Variants in DROSHA observed in about 807,000 individuals in gnomAD.
The protein encoded by DROSHA is drosha ribonuclease III.
In DROSHA, 56 loss-of-function variants were observed where a neutral mutation model predicts 181.9. The ratio of observed to expected loss-of-function variants is 0.31; its 90% CI spans 0.25 to 0.38. DROSHA has a LOEUF of 0.38. DROSHA is among the 10% of genes least tolerant of loss of function. The probability of loss-of-function intolerance (pLI) is 1.00; values close to 1 mark genes in which losing one functional copy is unlikely to be tolerated. For missense variants in DROSHA, 1,218 were observed against 1,743.5 expected, an observed-to-expected ratio of 0.70 and a Z score of 5.37; for synonymous variants, 524 against 591.2, an observed-to-expected ratio of 0.89 and a Z score of 1.65.
chr5:31,528,608 T>C lies in DROSHA; in HGVS notation c.20+432A>G, dbSNP rs75460233. Among the ~76,000 whole-genome samples, 68 of 152,256 alleles carry C rather than the reference T, an allele frequency of 4.5e-4. No homozygotes were observed. The East Asian group carries it at 0.013, about 28-fold the overall frequency. ...GCTTCATAAATATTTCCTGAATTCA[T>C]CTACTTCACATCATCACCTCTTACA... is the stretch of plus-strand genomic sequence containing the variant. On this transcript the variant is annotated intron_variant, in intron 4 of 35. Coordinates refer to ENST00000344624, the MANE Select transcript of DROSHA (RefSeq NM_001382508.1).
chr5:31,479,293 T>C (rs546819348), intron 16 of DROSHA, among the ~76,000 whole-genome samples: 1 of 152,370 alleles, frequency 6.6e-6, no homozygotes, highest in African/African-American at 2.4e-5. Flanking sequence ...TTACTTTACA[T>C]ACTTTTGTAT....
At chr5:31,486,247 T>G (rs1026322371) in intron 14 of DROSHA, among the ~76,000 whole-genome samples, 13 of 152,192 alleles carry the variant, frequency 8.5e-5, no homozygotes, top group East Asian at 3.9e-4. Flanking sequence ...GATGTAAAGT[T>G]AATATCAGCA....
At chr5:31,410,030 T>C (rs1263073422) in intron 31 of DROSHA, among the ~76,000 whole-genome samples, 1 of 151,892 alleles carries the variant, frequency 6.6e-6, no homozygotes, top group Admixed American at 6.6e-5. Flanking sequence ...CATCTTTAAA[T>C]TACTTTTCTT....
chr5:31,496,962 C>T (rs552387607), intron 11 of DROSHA, among the ~76,000 whole-genome samples: 117 of 152,308 alleles, frequency 7.7e-4, no homozygotes, highest in African/African-American at 2.7e-3. Flanking sequence ...CTCATCTGAG[C>T]AGGTTGTGGA....
At chr5:31,501,186 TATCTGAATCATC>T (rs1753536799) in intron 11 of DROSHA, among the ~76,000 whole-genome samples, 1 of 152,118 alleles carries the variant, frequency 6.6e-6, no homozygotes, top group Non-Finnish European at 1.5e-5. Context: ...TTAGATGCAG[TATCTGAATCATC>T]ATTGATACTT....
chr5:31,451,472 C>G, intron 21 of DROSHA, 61 bp downstream of exon 21: 1 of 1,373,026 alleles, frequency 7.3e-7, no homozygotes, highest in Non-Finnish European at 1.0e-6. Context: ...CCATTTGTGA[C>G]CTGCAAGATG....
At chr5:31,508,589 A>C (rs774426429) in intron 10 of DROSHA, 32 bp downstream of exon 10, 1 of 1,613,546 alleles carries the variant, frequency 6.2e-7, no homozygotes, top group Admixed American at 1.7e-5. Flanking sequence ...CTGGGTTTGC[A>C]ACCTTCACAG....
At chr5:31,475,636 A>T (rs1228512415) in intron 16 of DROSHA, among the ~76,000 whole-genome samples, 1 of 152,228 alleles carries the variant, frequency 6.6e-6, no homozygotes, top group Non-Finnish European at 1.5e-5. Context: ...GAAAGAAGAA[A>T]ATAGTTTTTG....
chr5:31,435,094 G>T (rs1744633586), intron 25 of DROSHA, among the ~76,000 whole-genome samples: 1 of 152,192 alleles, frequency 6.6e-6, no homozygotes, highest in Non-Finnish European at 1.5e-5. Context: ...TTGTCAATTT[G>T]TCCATGGCCA....
intron 11 of DROSHA, among the ~76,000 whole-genome samples, chr5:31,497,972 T>G (rs1002366450): frequency 2.0e-5 from 3 of 152,206 alleles, no homozygotes; most frequent in Non-Finnish European, 2.9e-5. Context: ...CCAGAGACCA[T>G]TCTCAAGTTT....
At chr5:31,464,031 A>G (rs1295209957) in intron 20 of DROSHA, 1 of 573,426 alleles carries the variant, frequency 1.7e-6, no homozygotes, top group South Asian at 2.2e-5. Flanking sequence ...AGCACCCACA[A>G]ATACAACATA....
chr5:31,460,975 T>G (rs1044522921), intron 20 of DROSHA, among the ~76,000 whole-genome samples: 1 of 152,134 alleles, frequency 6.6e-6, no homozygotes, highest in African/African-American at 2.4e-5. Flanking sequence ...TTCATTAAAA[T>G]CTTTATGTTA....
chr5:31,435,714 G>T, intron 25 of DROSHA, 51 bp downstream of exon 25: 1 of 1,526,640 alleles, frequency 6.6e-7, no homozygotes, highest in East Asian at 2.3e-5. Flanking sequence ...TGCATGGACC[G>T]CAGAAGAGCA....
intron 30 of DROSHA, among the ~76,000 whole-genome samples, chr5:31,417,080 A>T (rs1187471512): frequency 6.6e-6 from 1 of 152,222 alleles, no homozygotes; most frequent in South Asian, 2.1e-4. Context: ...GAGGTGTGCT[A>T]GGGACAAGGG....
intron 30 of DROSHA, among the ~76,000 whole-genome samples, chr5:31,414,455 G>C (rs1273256705): frequency 6.6e-6 from 1 of 152,162 alleles, no homozygotes; most frequent in Non-Finnish European, 1.5e-5. Context: ...AAAAGATTTA[G>C]CACCAAGTTA....
At chr5:31,401,900 C>A (rs1740047386) in intron 35 of DROSHA, among the ~76,000 whole-genome samples, 1 of 152,150 alleles carries the variant, frequency 6.6e-6, no homozygotes, top group Non-Finnish European at 1.5e-5. Context: ...CTCCTAGCAA[C>A]AGGTGACTTT....
chr5:31,420,313 A>G (rs946222557), intron 30 of DROSHA, among the ~76,000 whole-genome samples: 5 of 152,226 alleles, frequency 3.3e-5, no homozygotes, highest in East Asian at 1.9e-4. Flanking sequence ...TCTTTGCCCA[A>G]TAAAGTATTT....
At chr5:31,527,110 C>T (rs943443351) in intron 4 of DROSHA, among the ~76,000 whole-genome samples, 198 bp from the exon 5 acceptor site, 1 of 152,128 alleles carries the variant, frequency 6.6e-6, no homozygotes, top group African/African-American at 2.4e-5. Flanking sequence ...TCCTCTTCCC[C>T]TTTCTTGGCC....
intron 20 of DROSHA, among the ~76,000 whole-genome samples, chr5:31,459,328 T>G (rs640831): frequency 0.7 from 105,486 of 150,474 alleles, 37,240 homozygotes; most frequent in African/African-American, 0.76. Context: ...AGGAGTCCAA[T>G]GCAAAAAGGC....
Sources: allele counts gnomAD v4.1 joint callset (sites outside exome capture counted in the v4.1 genomes callset), GRCh38; gene constraint gnomAD v4.1.1; transcripts MANE v1.5; gene names NCBI Gene and HGNC (gene_info 2026-07-23, HGNC 2026-07-21).